MFHAS1: variants seen among roughly 807,000 people sequenced by gnomAD.
The protein encoded by MFHAS1 is malignant fibrous histiocytoma-amplified sequence 1.
Under a neutral mutation model 70.4 loss-of-function variants are expected in MFHAS1, and 50 were observed. That is an observed-to-expected ratio of 0.71 (90% CI 0.57 to 0.90). The LOEUF (loss-of-function observed/expected upper bound fraction) is 0.90. MFHAS1 is among the 40% of genes least tolerant of loss of function. The pLI is 0.00. For missense variants in MFHAS1, 1,795 were observed against 1,347.6 expected (o/e 1.33, Z -5.20); for synonymous variants, 952 against 620.0 (o/e 1.54, Z -7.96).
chr8:8,864,811 G>C (rs1454203543), intron 1 of MFHAS1, among the ~76,000 whole-genome samples: 5 of 152,208 alleles, frequency 3.3e-5, no homozygotes, highest in Non-Finnish European at 5.9e-5. Flanking sequence ...GGGAAGGAGA[G>C]AGGGAGAGAG....
intron 1 of MFHAS1, among the ~76,000 whole-genome samples, chr8:8,867,685 G>A (rs953287474): frequency 6.6e-6 from 1 of 151,698 alleles, no homozygotes; most frequent in Non-Finnish European, 1.5e-5. Context: ...AGCCTCCCAA[G>A]TAGCTGGGAC....
At chr8:8,826,505 G>C (rs938150624) in intron 1 of MFHAS1, among the ~76,000 whole-genome samples, 13 of 152,214 alleles carry the variant, frequency 8.5e-5, no homozygotes, top group African/African-American at 2.2e-4. Flanking sequence ...GACCCAGGAG[G>C]GTAGATCACT....
At chr8:8,805,263 C>T (rs1806247353) in intron 1 of MFHAS1, among the ~76,000 whole-genome samples, 1 of 152,176 alleles carries the variant, frequency 6.6e-6, no homozygotes, top group Non-Finnish European at 1.5e-5. Flanking sequence ...CCCAAGCAGT[C>T]AAAAATCCAC....
chr8:8,809,508 G>A (rs1320357427), intron 1 of MFHAS1, among the ~76,000 whole-genome samples: 2 of 152,120 alleles, frequency 1.3e-5, no homozygotes, highest in Non-Finnish European at 2.9e-5. Flanking sequence ...CCAAGTCAAA[G>A]CCGCCTCTTC....
At chr8:8,809,703 A>G (rs1806477161) in intron 1 of MFHAS1, among the ~76,000 whole-genome samples, 1 of 152,170 alleles carries the variant, frequency 6.6e-6, no homozygotes, top group South Asian at 2.1e-4. Context: ...CAGATCAAAG[A>G]CAGTTGGGGA....
At chr8:8,857,827 T>C (rs926610054) in intron 1 of MFHAS1, among the ~76,000 whole-genome samples, 16 of 152,118 alleles carry the variant, frequency 1.1e-4, no homozygotes, top group East Asian at 3.8e-4. Flanking sequence ...TACAGTGACA[T>C]TGACAAGTTA....
chr8:8,808,483 C>A (rs1388232459), intron 1 of MFHAS1, among the ~76,000 whole-genome samples: 2 of 152,086 alleles, frequency 1.3e-5, no homozygotes, highest in South Asian at 2.1e-4. Context: ...GTGATGCTGG[C>A]GATTTGGATC....
rs1166726456 is a variant in MFHAS1 at position 8,892,232 on chromosome 8, T to C, written c.827A>G (p.Lys276Arg). ...PAQFSCLQRL[K>R]MLNLSSNLFE... is the part of the protein sequence containing the mutation. ...GAGGTTGGAGGAGAGGTTGAGCATT[T>C]TGAGCCGCTGCAGGCAGCTGAACTG... The change falls in exon 1 of 3, where the codon AAA (lysine) becomes AGA (arginine). Residue 276 changes from lysine to arginine, a missense_variant. By Grantham distance (26) the Lys-to-Arg change is conservative. Coordinates refer to ENST00000276282, the MANE Select transcript of MFHAS1 (RefSeq NM_004225.3). The surrounding 1 kb of genome is among the most constrained non-coding windows in gnomAD (Gnocchi z 4.7). 8.1e-6 allele frequency: 13 copies of C among 1,611,238 alleles called. No individual in the cohort carries two copies. The highest frequency in any genetic ancestry group is 3.3e-4 in the Middle Eastern group (2 of 6,084).
intron 1 of MFHAS1, among the ~76,000 whole-genome samples, chr8:8,864,709 G>A: frequency 6.6e-6 from 1 of 152,114 alleles, no homozygotes; most frequent in Non-Finnish European, 1.5e-5. Flanking sequence ...TTTTCCAGTT[G>A]CATGCCAGGA....
At chr8:8,803,743 A>C (rs2117269463) in intron 1 of MFHAS1, among the ~76,000 whole-genome samples, 1 of 151,948 alleles carries the variant, frequency 6.6e-6, no homozygotes, top group East Asian at 1.9e-4. Context: ...AGGCCGAGGC[A>C]GGCAAATCAC....
chr8:8,866,648 G>A (rs1044311803), intron 1 of MFHAS1, among the ~76,000 whole-genome samples: 2 of 152,144 alleles, frequency 1.3e-5, no homozygotes, highest in Non-Finnish European at 2.9e-5. Flanking sequence ...CTAGTAAAAA[G>A]GATCCGTGAT....
At position 8,890,782 on chromosome 8, in the gene MFHAS1, C is replaced by T; in HGVS notation, c.2277G>A (p.Glu759=). The change falls in exon 1 of 3, where the codon GAG becomes GAA. Residue 759 remains glutamate, a synonymous_variant. Transcript: ENST00000276282. The part of the protein sequence containing the change: ...LHKLLLGTSG[E]GKAEGESSPP... ...GGGAGCTTTCCCCCTCCGCCTTGCCCTCTCCACTGGTCCCTAGGAGCAGCT... is the reference window on the plus strand; with the variant it reads ...GGGAGCTTTCCCCCTCCGCCTTGCCTTCTCCACTGGTCCCTAGGAGCAGCT... 1.2e-6 allele frequency: 2 copies of T among 1,614,140 alleles called. No individual in the cohort carries two copies. The highest frequency in any genetic ancestry group is 1.7e-6 in the Non-Finnish European group (2 of 1,179,996).
At chr8:8,881,175 A>G (rs1006396371) in intron 1 of MFHAS1, among the ~76,000 whole-genome samples, 4 of 152,226 alleles carry the variant, frequency 2.6e-5, no homozygotes, top group African/African-American at 9.6e-5. Context: ...TTTTCATTAA[A>G]TTTACTCTTT....
At chr8:8,815,552 T>G (rs771257139) in intron 1 of MFHAS1, among the ~76,000 whole-genome samples, 1 of 152,208 alleles carries the variant, frequency 6.6e-6, no homozygotes, top group Non-Finnish European at 1.5e-5. Context: ...TTTTAATAAT[T>G]GCCATTCTGA....
chr8:8,843,682 G>C (rs1001430179), intron 1 of MFHAS1, among the ~76,000 whole-genome samples: 2 of 152,128 alleles, frequency 1.3e-5, no homozygotes, highest in Non-Finnish European at 2.9e-5. Flanking sequence ...GAGCAGGTCC[G>C]GTGTGGAAGA....
At position 8,893,073 on chromosome 8, in the gene MFHAS1, C is replaced by G; in HGVS notation, c.-15G>C. On this transcript the variant is annotated 5_prime_UTR_variant, in exon 1 of 3. Coordinates refer to ENST00000276282, the MANE Select transcript of MFHAS1 (RefSeq NM_004225.3). ...ATCCCAGCCATGGCGGGGCCCCGGG[C>G]CGACAGCCTCACGCGGACGCGGGAG... is the stretch of plus-strand genomic sequence containing the variant. The G allele has an allele frequency of 1.4e-6, 2 of 1,468,018 alleles. No homozygotes were observed. The highest frequency in any genetic ancestry group is 8.9e-7 in the Non-Finnish European group (1 of 1,118,118). The allele number at this position is 1,468,018 out of a possible 1,614,324, so 90.9% of individuals were successfully genotyped here.
chr8:8,890,917 G>A lies in MFHAS1; in HGVS notation c.2142C>T (p.Leu714=). 6.2e-7 allele frequency: 1 copy of A among 1,614,098 alleles called. No individual in the cohort carries two copies. The highest frequency in any genetic ancestry group is 8.5e-7 in the Non-Finnish European group (1 of 1,180,030). ...TGAGAGCCGGACTGTCCTCAAAGTA[G>A]AGTAGCTTGCCGCTCTCATGCAGGT... The part of the protein sequence containing the change: ...LSYLHESGKL[L]YFEDSPALKE... The change falls in exon 1 of 3, where the codon CTC becomes CTT. Residue 714 remains leucine, a synonymous_variant. Transcript: ENST00000276282.
intron 1 of MFHAS1, among the ~76,000 whole-genome samples, chr8:8,847,111 G>T (rs1808065255): frequency 6.6e-6 from 1 of 152,182 alleles, no homozygotes; most frequent in Admixed American, 6.5e-5. Context: ...TAACACCAAT[G>T]ATATTTTTCG....
In MFHAS1 at chr8:8,785,923, A is replaced by G. The variant is rs1805525556; in HGVS notation, c.*99T>C. ...CACGCGTTGTCACTCAAGTTCACAG[A>G]ACACGCTGGGGTGAGTGCAGAGGGT... On this transcript the variant is annotated 3_prime_UTR_variant, in exon 3 of 3. Coordinates refer to ENST00000276282, the MANE Select transcript of MFHAS1 (RefSeq NM_004225.3). The G allele has an allele frequency of 2.3e-6, 3 of 1,296,764 alleles. No individual in the cohort carries two copies. The highest frequency in any genetic ancestry group is 3.4e-6 in the Non-Finnish European group (3 of 894,694). 80.3% of individuals were successfully genotyped at this position (1,296,764 alleles called of 1,614,324 possible). A position where few individuals can be genotyped will look rare whatever the true frequency, so the allele number is the denominator to read the frequency against.
Sources: gnomAD v4.1 joint callset for allele counts (sites outside exome capture counted in the v4.1 genomes callset) on GRCh38, gnomAD v4.1.1 for gene constraint, Gnocchi (gnomAD v3.1) non-coding constraint, MANE v1.5 for transcripts, NCBI Gene and HGNC (gene_info 2026-07-23, HGNC 2026-07-21) for gene names.